The following FARS2 variants were observed in gnomAD, a reference collection of about 807,000 sequenced individuals.
FARS2 encodes the protein phenylalanine--tRNA ligase, mitochondrial.
Under a neutral mutation model 46.4 loss-of-function variants are expected in FARS2, and 40 were observed. The ratio of observed to expected loss-of-function variants is 0.86; its 90% confidence interval spans 0.67 to 1.12. The LOEUF is 1.12. FARS2 is among the 50% of genes most tolerant of loss of function. The pLI, the probability that FARS2 is intolerant of heterozygous loss-of-function variation, is 0.00. For missense variants in FARS2, 513 were observed against 567.9 expected (o/e 0.90, Z 0.98); for synonymous variants, 234 against 214.9 (o/e 1.09, Z -0.78).
intron 6 of FARS2, among the ~76,000 whole-genome samples, chr6:5,641,877 C>T (rs997794422): frequency 1.1e-4 from 17 of 152,298 alleles, no homozygotes; most frequent in East Asian, 1.9e-4. Flanking sequence ...CTGTTCTCCA[C>T]GGTCATCATC....
rs954089184 is a variant in FARS2 at position 5,264,563 on chromosome 6, G to C, written c.-22+2903G>C. 8.8e-5 allele frequency among the ~76,000 whole-genome samples: 13 copies of C among 147,790 alleles called. No individual in the cohort carries two copies. In the Admixed American group the frequency reaches 8.9e-4, roughly 10 times the overall value. ...GGCTGGAGTGCAATGGTGCAATCTC[G>C]TCCGGCTAATTTTTTGTATTTTTAG... On this transcript the variant is annotated intron_variant, in intron 1 of 6. Transcript: ENST00000274680.
intron 5 of FARS2, among the ~76,000 whole-genome samples, chr6:5,599,014 C>T (rs953602817): frequency 2.0e-5 from 3 of 152,196 alleles, no homozygotes; most frequent in Non-Finnish European, 4.4e-5. Context: ...CTAGCTGGGC[C>T]TCAGTTTTAC....
At chr6:5,438,684 A>C (rs1763674688) in intron 4 of FARS2, among the ~76,000 whole-genome samples, 1 of 152,122 alleles carries the variant, frequency 6.6e-6, no homozygotes, top group South Asian at 2.1e-4. Flanking sequence ...TTGGAATGAG[A>C]AGTGTTTCAG....
At position 5,545,298 on chromosome 6, in the gene FARS2, G is replaced by A; in HGVS notation, c.1023G>A (p.Lys341=). 2 of 1,614,060 alleles carry A rather than the reference G, an allele frequency of 1.2e-6. No homozygotes were observed. The highest frequency in any genetic ancestry group is 1.7e-6 in the Non-Finnish European group (2 of 1,179,948). ...GGTGTGAGGACGAGCGCTTCCTGAAGCAGTTCTGTGTATCCAACATTAATC... is the reference window on the plus strand; with the variant it reads ...GGTGTGAGGACGAGCGCTTCCTGAAACAGTTCTGTGTATCCAACATTAATC... The part of the protein sequence containing the change: ...LFWCEDERFL[K]QFCVSNINQK... Residue 341 remains lysine, a synonymous_variant, in exon 5 of 7, where the codon AAG becomes AAA. Coordinates refer to ENST00000274680, the MANE Select transcript of FARS2 (RefSeq NM_006567.5).
rs76954272 is a variant in FARS2 at position 5,470,163 on chromosome 6, C to T, written c.904+38991C>T. On this transcript the variant is annotated intron_variant, in intron 4 of 6. Transcript: ENST00000274680. Reference sequence around the variant, plus strand: ...GCAGAATTTCTTTAATACAGTTGGCCCTCCATACCTGCAGGTTCTGCATCC... The same window carrying T: ...GCAGAATTTCTTTAATACAGTTGGCTCTCCATACCTGCAGGTTCTGCATCC... 8.3e-3 allele frequency among the ~76,000 whole-genome samples: 1,263 copies of T among 152,186 alleles called. 20 individuals are homozygous for T. The highest frequency in any genetic ancestry group is 0.029 in the African/African-American group (1,197 of 41,510).
intron 6 of FARS2, among the ~76,000 whole-genome samples, chr6:5,615,434 C>G (rs1436806629): frequency 1.3e-5 from 2 of 152,206 alleles, no homozygotes; most frequent in African/African-American, 4.8e-5. Flanking sequence ...GTTCTGGGTT[C>G]TGCAAGCTCA....
Position 5,404,650 on chromosome 6 carries a change from T to G in FARS2, c.721T>G (p.Phe241Val). ...HTMEAVKLVE[F>V]DLKQTLTRLM... ...CATGGAGGCCGTGAAGCTTGTAGAGTTTGATCTTAAGCAAACGCTTACCAG... is the reference window on the plus strand; with the variant it reads ...CATGGAGGCCGTGAAGCTTGTAGAGGTTGATCTTAAGCAAACGCTTACCAG... Residue 241 changes from phenylalanine (F) to valine (V), a missense_variant, in exon 3 of 7, where the codon TTT (phenylalanine) becomes GTT (valine). By Grantham distance (50) the Phe-to-Val change is conservative (BLOSUM62 -1). Transcript: ENST00000274680. 6.2e-7 allele frequency: 1 copy of G among 1,611,036 alleles called. No individual in the cohort carries two copies. Among genetic ancestry groups the G allele is most frequent in the Non-Finnish European group, 8.5e-7 (1 of 1,178,270 alleles).
At chr6:5,574,307 G>A (rs1235755130) in intron 5 of FARS2, among the ~76,000 whole-genome samples, 1 of 152,076 alleles carries the variant, frequency 6.6e-6, no homozygotes, top group Non-Finnish European at 1.5e-5. Flanking sequence ...TGTATTTTTA[G>A]TAGAGATGGG....
At chr6:5,673,217 CATGT>C (rs1778572920) in intron 6 of FARS2, among the ~76,000 whole-genome samples, 1 of 152,206 alleles carries the variant, frequency 6.6e-6, no homozygotes, top group South Asian at 2.1e-4. Flanking sequence ...TGATTATAAT[CATGT>C]ATGTGTCAGT....
chr6:5,378,429 C>A (rs76207374), intron 2 of FARS2, among the ~76,000 whole-genome samples: 1,553 of 152,334 alleles, frequency 0.01, 24 homozygotes, highest in African/African-American at 0.035. Context: ...TAGAAAATCT[C>A]ACTTTTGCTG....
intron 6 of FARS2, among the ~76,000 whole-genome samples, chr6:5,670,215 G>C (rs1017576659): frequency 6.6e-6 from 1 of 152,166 alleles, no homozygotes; most frequent in African/African-American, 2.4e-5. Context: ...AAGTTGGCTA[G>C]AGTTGCTTTG....
At chr6:5,486,440 GTAATT>G (rs540396606) in intron 4 of FARS2, among the ~76,000 whole-genome samples, 396 of 152,236 alleles carry the variant, frequency 2.6e-3, no homozygotes, top group African/African-American at 9.2e-3. Context: ...TCACTCTGTG[GTAATT>G]TCATGAAAAA....
At chr6:5,309,533 G>A (rs1242542687) in intron 1 of FARS2, among the ~76,000 whole-genome samples, 1 of 152,152 alleles carries the variant, frequency 6.6e-6, no homozygotes, top group African/African-American at 2.4e-5. Context: ...ATAAAGGTGG[G>A]GGAGTTTGGA....
intron 1 of FARS2, among the ~76,000 whole-genome samples, chr6:5,305,299 T>C (rs550404948): frequency 9.2e-5 from 14 of 152,356 alleles, no homozygotes; most frequent in African/African-American, 3.4e-4. Context: ...CTAAAATGTC[T>C]AGCACATTGT....
upstream of FARS2, among the ~76,000 whole-genome samples, chr6:5,259,758 G>T (rs571973978): frequency 5.5e-4 from 84 of 152,242 alleles, no homozygotes; most frequent in African/African-American, 1.9e-3. Flanking sequence ...TCTTTCTCAT[G>T]GGAATATGGC....
chr6:5,765,123 G>A lies in FARS2; in HGVS notation c.1218-6168G>A, dbSNP rs762158726. Among the ~76,000 whole-genome samples, 9 of 152,214 alleles carry A rather than the reference G, an allele frequency of 5.9e-5. No homozygotes were observed. The highest frequency in any genetic ancestry group is 1.7e-4 in the African/African-American group (7 of 41,462). ...GGTCTAGGGGCTCTGGTAGGAGGCG[G>A]CATTGAAATATGCCATCCCCTCCCT... On this transcript the variant is annotated intron_variant, in intron 6 of 6. Transcript: ENST00000274680. The surrounding 1 kb of genome is among the most constrained non-coding windows in gnomAD (Gnocchi z 4.0).
intron 5 of FARS2, among the ~76,000 whole-genome samples, chr6:5,595,692 G>T (rs1384731838): frequency 6.6e-6 from 1 of 152,164 alleles, no homozygotes; most frequent in African/African-American, 2.4e-5. Flanking sequence ...AGATGGATCT[G>T]AACTAAATTG....
chr6:5,728,586 A>G (rs1004206079), intron 6 of FARS2, among the ~76,000 whole-genome samples: 2 of 152,204 alleles, frequency 1.3e-5, no homozygotes, highest in Admixed American at 6.5e-5. Flanking sequence ...GGAAAAACAC[A>G]TTGTGCGCCG....
chr6:5,488,537 T>C (rs571601674), intron 4 of FARS2, among the ~76,000 whole-genome samples: 1 of 152,296 alleles, frequency 6.6e-6, no homozygotes, highest in East Asian at 1.9e-4. Flanking sequence ...CTGTTCATGC[T>C]CAAATGAATA....
Sources: gnomAD v4.1 joint callset for allele counts (sites outside exome capture counted in the v4.1 genomes callset) on GRCh38, gnomAD v4.1.1 for gene constraint, Gnocchi (gnomAD v3.1) non-coding constraint, MANE v1.5 for transcripts, NCBI Gene and HGNC (gene_info 2026-07-23, HGNC 2026-07-21) for gene names.